Variants in CAB39L observed in about 807,000 individuals in gnomAD.
The protein encoded by CAB39L is calcium binding protein 39 like, also known as calcium-binding protein 39-like.
Under a neutral mutation model 39.1 loss-of-function variants are expected in CAB39L, and 23 were observed. That is an observed-to-expected ratio of 0.59 (90% CI 0.42 to 0.83). The LOEUF (loss-of-function observed/expected upper bound fraction) is 0.83. Ranked by LOEUF, CAB39L falls within the 40% of genes least tolerant of loss-of-function variation. The probability of loss-of-function intolerance (pLI) is 0.00; values close to 1 mark genes in which losing one functional copy is unlikely to be tolerated. For missense variants in CAB39L, 366 were observed against 391.9 expected (o/e 0.93, Z 0.56); for synonymous variants, 126 against 137.2 (o/e 0.92, Z 0.57).
At chr13:49,442,787 CAAAAAAAAAA>C (rs71078844) in intron 1 of CAB39L, among the ~76,000 whole-genome samples, 3,137 of 102,760 alleles carry the variant, frequency 0.031, 21 homozygotes, top group African/African-American at 0.078. Context: ...GACTCCATCT[CAAAAAAAAAA>C]AAAAAAAAAA....
rs74975074 is a variant in CAB39L at position 49,331,034 on chromosome 13, T to C, written c.834+913A>G. 3.3e-3 allele frequency among the ~76,000 whole-genome samples: 502 copies of C among 152,296 alleles called. 2 individuals carry two copies. Among genetic ancestry groups the C allele is most frequent in the Admixed American group, 7.6e-3 (117 of 15,296 alleles). ...ATAAAATTAGGATATCAGTTGTTGG[T>C]ACACTGTGAATACAGCTGTAGAAAA... is the stretch of plus-strand genomic sequence containing the variant. On this transcript the variant is annotated intron_variant, in intron 10 of 10. Transcript: ENST00000409308.
At chr13:49,416,003 A>C (rs1440460658) in intron 3 of CAB39L, among the ~76,000 whole-genome samples, 1 of 152,138 alleles carries the variant, frequency 6.6e-6, no homozygotes, top group Non-Finnish European at 1.5e-5. Context: ...TTTTTGTCCT[A>C]CAAAGCAAAT....
intron 10 of CAB39L, among the ~76,000 whole-genome samples, chr13:49,331,445 A>G (rs7992582): frequency 0.27 from 40,386 of 151,950 alleles, 5,990 homozygotes; most frequent in African/African-American, 0.41. Context: ...CAGCCTGGGC[A>G]ACAGAGTGAG....
intron 10 of CAB39L, among the ~76,000 whole-genome samples, chr13:49,311,392 G>A (rs922869663): frequency 6.6e-6 from 1 of 152,156 alleles, no homozygotes; most frequent in South Asian, 2.1e-4. Flanking sequence ...GATAATCAAC[G>A]ACGATGGTAC....
At chr13:49,436,666 C>T (rs1299743002) in intron 1 of CAB39L, among the ~76,000 whole-genome samples, 2 of 148,134 alleles carry the variant, frequency 1.4e-5, no homozygotes, top group East Asian at 4.1e-4. Flanking sequence ...CAGGCATGCA[C>T]CACTGCATCT....
intron 1 of CAB39L, among the ~76,000 whole-genome samples, chr13:49,435,985 C>T (rs181210808): frequency 2.0e-5 from 3 of 152,210 alleles, no homozygotes; most frequent in South Asian, 2.1e-4. Context: ...TGACTTTGCT[C>T]GTGGCATTTT....
chr13:49,377,167 T>C lies in CAB39L; in HGVS notation c.112-36A>G. On this transcript the variant is annotated intron_variant, in intron 4 of 10. Transcript: ENST00000409308. ...AAACGTATGCTAACGGTTAAAAGAA[T>C]AAAAATGTTTAGGCCATAAACAAAC... 1.3e-6 allele frequency: 2 copies of C among 1,573,796 alleles called. 1 individual carries two copies. The highest frequency in any genetic ancestry group is 2.3e-5 in the South Asian group (2 of 87,482).
intron 3 of CAB39L, among the ~76,000 whole-genome samples, chr13:49,383,306 T>C (rs1023410810): frequency 1.3e-5 from 2 of 152,122 alleles, no homozygotes; most frequent in African/African-American, 2.4e-5. Context: ...ATGTATTCTA[T>C]AATGCTTAGC....
intron 10 of CAB39L, among the ~76,000 whole-genome samples, chr13:49,331,279 C>T (rs1032503307): frequency 3.9e-5 from 6 of 152,028 alleles, no homozygotes; most frequent in African/African-American, 1.4e-4. Context: ...CCCTGGCTAA[C>T]ACGGTGAAAA....
intron 9 of CAB39L, among the ~76,000 whole-genome samples, chr13:49,338,036 G>A (rs188925345): frequency 3.4e-4 from 51 of 152,156 alleles, no homozygotes; most frequent in Admixed American, 1.8e-3. Flanking sequence ...TGCTATTTAC[G>A]GGTAATTGAG....
At chr13:49,416,438 T>C (rs1272578874) in intron 3 of CAB39L, among the ~76,000 whole-genome samples, 1 of 152,238 alleles carries the variant, frequency 6.6e-6, no homozygotes, top group Non-Finnish European at 1.5e-5. Context: ...GTCTATGCTA[T>C]TCAATTTAAT....
chr13:49,417,827 A>C (rs559320692), intron 3 of CAB39L, among the ~76,000 whole-genome samples: 1 of 152,272 alleles, frequency 6.6e-6, no homozygotes, highest in African/African-American at 2.4e-5. Flanking sequence ...GTTAAAAAAA[A>C]CCCTGCAAGT....
At chr13:49,401,574 C>T (rs1197880678) in intron 3 of CAB39L, 1 of 152,086 alleles carries the variant, frequency 6.6e-6, no homozygotes, top group African/African-American at 2.4e-5. Flanking sequence ...CTTTTACTTC[C>T]TCCCTCCTCA....
At chr13:49,408,461 T>C (rs1297833353) in intron 3 of CAB39L, among the ~76,000 whole-genome samples, 4 of 152,132 alleles carry the variant, frequency 2.6e-5, no homozygotes, top group Admixed American at 2.6e-4. Flanking sequence ...GGGTCATCCA[T>C]CCTGCCACTG....
intron 5 of CAB39L, among the ~76,000 whole-genome samples, chr13:49,376,741 A>G (rs1263891878): frequency 6.6e-6 from 1 of 152,228 alleles, no homozygotes; most frequent in Non-Finnish European, 1.5e-5. Context: ...TATTACTTCT[A>G]TTAACCGTTA....
chr13:49,440,535 CAGT>C (rs1233905053), intron 1 of CAB39L, among the ~76,000 whole-genome samples: 1 of 151,792 alleles, frequency 6.6e-6, no homozygotes, highest in Non-Finnish European at 1.5e-5. Flanking sequence ...GCTACACATT[CAGT>C]AGCACTGAAT....
intron 3 of CAB39L, among the ~76,000 whole-genome samples, chr13:49,428,108 A>C (rs1371247858): frequency 6.6e-6 from 1 of 152,238 alleles, no homozygotes; most frequent in African/African-American, 2.4e-5. Context: ...TTAGTTGTCT[A>C]CTGTGTAACA....
intron 3 of CAB39L, among the ~76,000 whole-genome samples, chr13:49,422,418 CA>C (rs1566133343): frequency 6.6e-6 from 1 of 152,044 alleles, no homozygotes; most frequent in Non-Finnish European, 1.5e-5. Flanking sequence ...ACTAAAAATA[CA>C]AAAAGTTAGT....
intron 10 of CAB39L, among the ~76,000 whole-genome samples, chr13:49,329,579 ATATATATATATATAT>A (rs1954625118): frequency 1.7e-5 from 2 of 121,002 alleles, no homozygotes; most frequent in African/African-American, 3.2e-5. Flanking sequence ...ATATATATAT[ATATATATATATATAT>A]ATAATGATGT....
Sources: allele counts gnomAD v4.1 joint callset (sites outside exome capture counted in the v4.1 genomes callset), GRCh38; gene constraint gnomAD v4.1.1; transcripts MANE v1.5; gene names NCBI Gene and HGNC (gene_info 2026-07-23, HGNC 2026-07-21).